Variants in TEX264 observed in about 807,000 individuals in gnomAD.
The protein encoded by TEX264 is testis expressed 264, ER-phagy receptor, also known as testis-expressed protein 264.
A neutral mutation model predicts 23.4 loss-of-function variants in TEX264; 13 were observed. The ratio of observed to expected loss-of-function variants is 0.56; its 90% CI spans 0.36 to 0.88. The LOEUF is 0.88. Ranked by LOEUF, TEX264 falls within the 40% of genes least tolerant of loss-of-function variation. The probability of loss-of-function intolerance (pLI) is 0.01; values close to 1 mark genes in which losing one functional copy is unlikely to be tolerated. For missense variants in TEX264, 340 were observed against 406.8 expected (o/e 0.84, Z 1.41); for synonymous variants, 159 against 170.0 (o/e 0.94, Z 0.50).
intron 3 of TEX264, among the ~76,000 whole-genome samples, chr3:51,697,751 G>A (rs1703126085): frequency 6.6e-6 from 1 of 152,228 alleles, no homozygotes; most frequent in African/African-American, 2.4e-5. Flanking sequence ...CTGTGATCTT[G>A]TTTAGCCTCC....
intron 2 of TEX264, among the ~76,000 whole-genome samples, chr3:51,679,199 T>G (rs539527880): frequency 6.6e-6 from 1 of 152,328 alleles, no homozygotes; most frequent in South Asian, 2.1e-4. Context: ...GTATGTCTCC[T>G]CATCTGTCAC....
chr3:51,679,885 G>T (rs1232517007), intron 2 of TEX264, among the ~76,000 whole-genome samples: 1 of 152,152 alleles, frequency 6.6e-6, no homozygotes, highest in Non-Finnish European at 1.5e-5. Context: ...ATCATCTCGT[G>T]TCCTGACTGG....
At chr3:51,693,476 GTT>G (rs766273698) in intron 3 of TEX264, among the ~76,000 whole-genome samples, 6 of 121,704 alleles carry the variant, frequency 4.9e-5, no homozygotes, top group East Asian at 2.6e-4. Flanking sequence ...TTTCCATTAT[GTT>G]TTTTTTTTTT....
At position 51,684,629 on chromosome 3, in the gene TEX264, A is replaced by G. The variant is rs1368605668; in HGVS notation, c.475A>G (p.Ile159Val). ...TGTCCATCCTGCCTTGGACACCTAC[A>G]TCAAGGTGAGGCACAGGCCTGGGGT... ...RRVHPALDTY[I>V]KERKLCAYPR... The change falls in exon 3 of 5, where the codon ATC becomes GTC. Residue 159 changes from isoleucine to valine, a missense_variant. Ile to Val is a conservative substitution (Grantham distance 29). Transcript: ENST00000341333. 3 of 1,613,978 alleles carry G rather than the reference A, an allele frequency of 1.9e-6. No individual in the cohort carries two copies. The highest frequency in any genetic ancestry group is 2.2e-5 in the East Asian group (1 of 44,872).
At chr3:51,673,741 C>A (rs908993377) in intron 1 of TEX264, among the ~76,000 whole-genome samples, 1 of 152,152 alleles carries the variant, frequency 6.6e-6, no homozygotes, top group African/African-American at 2.4e-5. Flanking sequence ...GCACATTTTT[C>A]CTCACAAGTT....
intron 3 of TEX264, among the ~76,000 whole-genome samples, chr3:51,685,454 T>C (rs1480778992): frequency 6.6e-6 from 1 of 152,082 alleles, no homozygotes; most frequent in Non-Finnish European, 1.5e-5. Flanking sequence ...GTAATAAATA[T>C]CAGACAAAAA....
chr3:51,702,877 G>A (rs1019514191), intron 4 of TEX264, among the ~76,000 whole-genome samples: 1 of 152,210 alleles, frequency 6.6e-6, no homozygotes, highest in Non-Finnish European at 1.5e-5. Context: ...GAGCAGGTTA[G>A]AAGGAGTTTG....
chr3:51,677,585 C>G (rs1179058678), intron 2 of TEX264, among the ~76,000 whole-genome samples: 1 of 152,144 alleles, frequency 6.6e-6, no homozygotes, highest in Admixed American at 6.5e-5. Context: ...TGCCACCTGG[C>G]TTTAGATGCT....
intron 3 of TEX264, among the ~76,000 whole-genome samples, chr3:51,692,349 A>G (rs1702859215): frequency 6.6e-6 from 1 of 152,176 alleles, no homozygotes; most frequent in Non-Finnish European, 1.5e-5. Flanking sequence ...CCCAAGCAGA[A>G]CAACTTCTTC....
In TEX264 at chr3:51,703,926, AG is replaced by A; in HGVS notation, c.856del (p.Glu286SerfsTer?). 6.2e-7 allele frequency: 1 copy of A among 1,606,624 alleles called. No individual in the cohort carries two copies. The highest frequency in any genetic ancestry group is 8.5e-7 in the Non-Finnish European group (1 of 1,174,986). On this transcript the variant is annotated frameshift_variant, in exon 5 of 5. Coordinates refer to ENST00000341333, the MANE Select transcript of TEX264 (RefSeq NM_015926.6). LOFTEE classifies it low-confidence loss of function (END_TRUNC). The surrounding 1 kb of genome is among the most constrained non-coding windows in gnomAD (Gnocchi z 4.8). ...TGGACTTGGAGGGCGAGGGGCCCTT[AG>A]GGGAGTCACGGCTGGACCCTGGGAC... is the stretch of plus-strand genomic sequence containing the variant. ...ELDLEGEGPL[G>X]ESRLDPGTEP...
intron 4 of TEX264, among the ~76,000 whole-genome samples, chr3:51,700,448 C>G (rs986385888): frequency 6.6e-6 from 1 of 152,082 alleles, no homozygotes; most frequent in African/African-American, 2.4e-5. Context: ...GGAGCAGTCT[C>G]TACTCCCTAG....
intron 3 of TEX264, among the ~76,000 whole-genome samples, chr3:51,690,564 A>G (rs1173580123): frequency 6.6e-6 from 1 of 151,916 alleles, no homozygotes; most frequent in African/African-American, 2.4e-5. Flanking sequence ...TCTCAAAAAA[A>G]AAAAAAAAAA....
intron 3 of TEX264, among the ~76,000 whole-genome samples, chr3:51,698,289 T>A (rs1703146896): frequency 1.3e-5 from 2 of 152,220 alleles, no homozygotes; most frequent in South Asian, 4.1e-4. Context: ...TGGCTTCTCC[T>A]TGCCAGGCAA....
In TEX264 at chr3:51,704,314, T is replaced by G; in HGVS notation, c.*298T>G. ...AGAATAAAGCCAATGATTTACTTGT[T>G]TCACCTGGATTTGGGTTGTGTATTT... On this transcript the variant is annotated 3_prime_UTR_variant, in exon 5 of 5. Coordinates refer to ENST00000341333, the MANE Select transcript of TEX264 (RefSeq NM_015926.6). 3.6e-6 allele frequency: 1 copy of G among 279,500 alleles called. No individual in the cohort carries two copies. The highest frequency in any genetic ancestry group is 6.7e-6 in the Non-Finnish European group (1 of 150,320). 17.3% of individuals were successfully genotyped at this position (279,500 alleles called of 1,614,324 possible).
At chr3:51,679,352 C>G (rs182331254) in intron 2 of TEX264, among the ~76,000 whole-genome samples, 1 of 152,308 alleles carries the variant, frequency 6.6e-6, no homozygotes, top group African/African-American at 2.4e-5. Flanking sequence ...GCCACTGGGA[C>G]TTTGTACTTT....
intron 3 of TEX264, among the ~76,000 whole-genome samples, chr3:51,697,685 C>T (rs1577531418): frequency 1.3e-5 from 2 of 152,232 alleles, no homozygotes; most frequent in East Asian, 3.9e-4. Context: ...AGATGCCTGC[C>T]TCTAAGTGCT....
At chr3:51,672,766 C>T (rs1702093754) in intron 1 of TEX264, among the ~76,000 whole-genome samples, 1 of 152,220 alleles carries the variant, frequency 6.6e-6, no homozygotes, top group African/African-American at 2.4e-5. Context: ...CTACTTGAAC[C>T]TTTAGCCTTA....
intron 3 of TEX264, 53 bp from the exon 4 acceptor site, chr3:51,699,353 G>A (rs1166654571): frequency 2.7e-5 from 43 of 1,586,982 alleles, no homozygotes; most frequent in Non-Finnish European, 7.8e-6. Flanking sequence ...CCAGGGACAA[G>A]TGAGTCAGGG....
intron 3 of TEX264, among the ~76,000 whole-genome samples, chr3:51,693,547 G>A (rs1702909949): frequency 1.4e-5 from 2 of 147,036 alleles, no homozygotes; most frequent in African/African-American, 5.0e-5. Flanking sequence ...TGGCACGATC[G>A]CGGCTCACTG....
Sources: allele counts gnomAD v4.1 joint callset (sites outside exome capture counted in the v4.1 genomes callset), GRCh38; gene constraint gnomAD v4.1.1; non-coding constraint Gnocchi (gnomAD v3.1); transcripts MANE v1.5; gene names NCBI Gene and HGNC (gene_info 2026-07-23, HGNC 2026-07-21).